The following ZC4H2 variants were observed in gnomAD, a reference collection of about 807,000 sequenced individuals.
ZC4H2 encodes zinc finger C4H2 domain-containing protein.
For missense variants in ZC4H2, 137 were observed against 173.9 expected (o/e 0.79, Z 1.19); for synonymous variants, 84 against 66.3 (o/e 1.27, Z -1.30).
intron 1 of ZC4H2, among the ~76,000 whole-genome samples, chrX:65,016,328 G>A (rs1330310589): frequency 8.9e-6 from 1 of 111,775 alleles, no homozygotes; most frequent in Non-Finnish European, 1.9e-5. Context: ...TGATAAAAGA[G>A]ACAGATGCAG....
chrX:64,925,086 A>G (rs958896687), intron 1 of ZC4H2, among the ~76,000 whole-genome samples: 6 of 111,262 alleles, frequency 5.4e-5, no homozygotes, highest in African/African-American at 2.0e-4. Context: ...TATGTGGCAC[A>G]TGGTGGGCAG....
chrX:65,004,340 CT>C (rs1013777231), intron 1 of ZC4H2, among the ~76,000 whole-genome samples: 1 of 111,967 alleles, frequency 8.9e-6, no homozygotes. Flanking sequence ...CAATAAAATA[CT>C]GAAAAACCGA....
At chrX:65,027,910 A>G (rs189557289) in intron 1 of ZC4H2, among the ~76,000 whole-genome samples, 21 of 112,120 alleles carry the variant, frequency 1.9e-4, no homozygotes, top group Non-Finnish European at 3.0e-4. Flanking sequence ...AATTGAAGGC[A>G]TACTACAAAG....
intron 1 of ZC4H2, among the ~76,000 whole-genome samples, chrX:65,007,315 C>T (rs1257206029): frequency 8.9e-6 from 1 of 111,868 alleles, no homozygotes; most frequent in Non-Finnish European, 1.9e-5. Flanking sequence ...CTCTGAAAAG[C>T]AGATTGTCTC....
chrX:64,950,029 G>A (rs1028156554), intron 1 of ZC4H2, among the ~76,000 whole-genome samples: 1 of 112,037 alleles, frequency 8.9e-6, no homozygotes, highest in Non-Finnish European at 1.9e-5. Context: ...ATGTGTCCCA[G>A]AGGTTCTGGT....
chrX:64,998,988 T>C (rs186091250), intron 1 of ZC4H2, among the ~76,000 whole-genome samples: 1 of 107,972 alleles, frequency 9.3e-6, no homozygotes, highest in African/African-American at 3.4e-5. Flanking sequence ...TTTATTTGTG[T>C]CTTTGGATTG....
intron 1 of ZC4H2, among the ~76,000 whole-genome samples, chrX:64,926,503 C>T (rs1179480158): frequency 1.8e-5 from 2 of 111,898 alleles, no homozygotes; most frequent in Non-Finnish European, 3.8e-5. Context: ...CACATGCCCA[C>T]CAGCAAAATA....
At chrX:64,944,630 G>T (rs1930446995) in intron 1 of ZC4H2, among the ~76,000 whole-genome samples, 1 of 111,409 alleles carries the variant, frequency 9.0e-6, no homozygotes, top group Admixed American at 9.6e-5. Context: ...GGCCTGTCTT[G>T]CTAAGTTGGG....
intron 1 of ZC4H2, among the ~76,000 whole-genome samples, chrX:64,937,148 A>G (rs947376897): frequency 5.4e-5 from 6 of 111,407 alleles, no homozygotes; most frequent in Non-Finnish European, 5.7e-5. Flanking sequence ...CAGACTTGAA[A>G]CTAACCTGTT....
At chrX:65,014,474 C>A (rs766450104) in intron 1 of ZC4H2, among the ~76,000 whole-genome samples, 1 of 111,793 alleles carries the variant, frequency 8.9e-6, no homozygotes, top group Non-Finnish European at 1.9e-5. Context: ...AACTCTCAGC[C>A]TTTCCCTAAA....
At chrX:65,023,676 A>G (rs1932853876) in intron 1 of ZC4H2, among the ~76,000 whole-genome samples, 1 of 111,818 alleles carries the variant, frequency 8.9e-6, no homozygotes, top group Non-Finnish European at 1.9e-5. Flanking sequence ...AATTGATTCA[A>G]CTATTGTGGA....
rs1406736369 is a variant in ZC4H2 at position 64,945,928 on chromosome X, C to T, written c.54-23940G>A. 3.6e-5 allele frequency among the ~76,000 whole-genome samples: 4 copies of T among 110,838 alleles called. No homozygotes were observed. The Admixed American group carries it at 3.8e-4, about 11-fold the overall frequency. On this transcript the variant is annotated intron_variant, in intron 1 of 4. Coordinates refer to ENST00000374839, the MANE Select transcript of ZC4H2 (RefSeq NM_018684.4). ...TCTCAGTAATGGTGGAAGCCCCTCC[C>T]CCCACCAAGCTCGAGCATCCCAGGT... is the stretch of plus-strand genomic sequence containing the variant.
chrX:64,980,596 T>C (rs746874136), upstream of ZC4H2, among the ~76,000 whole-genome samples: 15 of 112,303 alleles, frequency 1.3e-4, no homozygotes, highest in Non-Finnish European at 2.4e-4. Flanking sequence ...GCTTTGCATG[T>C]ATTAAGTTAG....
At chrX:64,955,277 G>C (rs890239472) in intron 1 of ZC4H2, among the ~76,000 whole-genome samples, 2 of 111,587 alleles carry the variant, frequency 1.8e-5, no homozygotes, top group African/African-American at 6.5e-5. Context: ...TTCAATGCAT[G>C]TTTTCTGGTT....
At chrX:64,951,563 A>AT (rs1432535332) in intron 1 of ZC4H2, among the ~76,000 whole-genome samples, 29 of 111,916 alleles carry the variant, frequency 2.6e-4, no homozygotes, top group East Asian at 8.4e-4. Flanking sequence ...GATGGTGAGC[A>AT]TTTTTTCATG....
chrX:64,939,283 A>AAGAG (rs1930158112), intron 1 of ZC4H2, among the ~76,000 whole-genome samples: 1 of 111,964 alleles, frequency 8.9e-6, no homozygotes, highest in South Asian at 3.7e-4. Context: ...TCAAGGAAAT[A>AAGAG]AGAGAGGACA....
chrX:64,951,356 G>C (rs1217133203), intron 1 of ZC4H2, among the ~76,000 whole-genome samples: 1 of 111,622 alleles, frequency 9.0e-6, no homozygotes, highest in African/African-American at 3.3e-5. Flanking sequence ...TCTAGTTCTA[G>C]ATCCCTGAGG....
intron 1 of ZC4H2, among the ~76,000 whole-genome samples, chrX:65,025,558 TGA>T (rs1321901308): frequency 9.0e-6 from 1 of 111,208 alleles, no homozygotes; most frequent in African/African-American, 3.3e-5. Flanking sequence ...CAGCTCCGAG[TGA>T]GAGAGTGGGA....
chrX:64,987,320 T>A lies in ZC4H2; in HGVS notation c.-272+47309A>T, dbSNP rs760299897. Among the ~76,000 whole-genome samples the A allele has an allele frequency of 4.5e-5, 5 of 111,332 alleles. No homozygotes were observed. In the South Asian group the frequency reaches 1.1e-3, roughly 25 times the overall value. ...TTGAAAGAGAATAAAGTAGAATAAA[T>A]CATTCTACCTGATGTCAACATTTAT... On this transcript the variant is annotated intron_variant, in intron 1 of 4. Transcript: ENST00000337990.
Sources: gnomAD v4.1 joint callset for allele counts (sites outside exome capture counted in the v4.1 genomes callset) on GRCh38, gnomAD v4.1.1 for gene constraint, MANE v1.5 for transcripts, NCBI Gene and HGNC (gene_info 2026-07-23, HGNC 2026-07-21) for gene names.